PCDH7: variants seen among roughly 807,000 people sequenced by gnomAD.
The protein encoded by PCDH7 is protocadherin 7.
A neutral mutation model predicts 58.9 loss-of-function variants in PCDH7; 17 were observed. The ratio of observed to expected loss-of-function variants is 0.29; its 90% CI spans 0.20 to 0.43. The LOEUF is 0.43. Among genes scored for constraint, PCDH7 ranks in the 20% least tolerant of loss-of-function variants. PCDH7 has a pLI of 1.00. For synonymous variants in PCDH7, 664 were observed against 616.4 expected (o/e 1.08, Z -1.14); for missense variants, 1,274 against 1,441.0 (o/e 0.88, Z 1.88).
intron 1 of PCDH7, among the ~76,000 whole-genome samples, chr4:30,845,304 A>G (rs1024778430): frequency 3.3e-5 from 5 of 152,086 alleles, no homozygotes; most frequent in Non-Finnish European, 5.9e-5. Flanking sequence ...TCTCTCTTAC[A>G]TTTATTTCTA....
At chr4:30,811,406 G>GTT (rs1726992854) in intron 1 of PCDH7, among the ~76,000 whole-genome samples, 1 of 152,168 alleles carries the variant, frequency 6.6e-6, no homozygotes, top group African/African-American at 2.4e-5. Flanking sequence ...TAAAAAAAAG[G>GTT]ATGACAGTTT....
At chr4:31,121,276 G>T (rs1717661925) in intron 3 of PCDH7, among the ~76,000 whole-genome samples, 1 of 152,106 alleles carries the variant, frequency 6.6e-6, no homozygotes, top group Admixed American at 6.6e-5. Flanking sequence ...TTGAGGAGAG[G>T]AGGTAGCATA....
At chr4:30,724,230 G>T in exon 1 of PCDH7, 1 of 1,613,380 alleles carries the variant, frequency 6.2e-7, no homozygotes, top group East Asian at 2.2e-5. Context: ...AGCCTAAAAA[G>T]GACAAGAAAA....
chr4:31,102,455 C>T (rs1343911691), intron 3 of PCDH7, among the ~76,000 whole-genome samples: 2 of 151,982 alleles, frequency 1.3e-5, no homozygotes, highest in Non-Finnish European at 2.9e-5. Flanking sequence ...GGGCACGGTG[C>T]CTCATGCCTG....
chr4:30,892,869 G>A (rs1196928299), intron 1 of PCDH7, among the ~76,000 whole-genome samples: 2 of 152,038 alleles, frequency 1.3e-5, no homozygotes, highest in African/African-American at 2.4e-5. Context: ...ATACTCAACA[G>A]TTGTCAGTTA....
intron 3 of PCDH7, among the ~76,000 whole-genome samples, chr4:31,076,894 T>C (rs1759042267): frequency 6.6e-6 from 1 of 152,208 alleles, no homozygotes; most frequent in South Asian, 2.1e-4. Flanking sequence ...AAGGGGATTT[T>C]GTAATCCTCA....
At chr4:30,852,916 T>G (rs1309012285) in intron 1 of PCDH7, among the ~76,000 whole-genome samples, 1 of 151,264 alleles carries the variant, frequency 6.6e-6, no homozygotes, top group African/African-American at 2.4e-5. Flanking sequence ...TTGTCTGTGC[T>G]CCCAGTGTTT....
At chr4:30,904,062 A>G (rs939065405) in intron 1 of PCDH7, among the ~76,000 whole-genome samples, 4 of 152,148 alleles carry the variant, frequency 2.6e-5, no homozygotes, top group Non-Finnish European at 5.9e-5. Context: ...TTAAATTTCA[A>G]TGATGACTAT....
chr4:30,894,134 T>G (rs1391930768), intron 1 of PCDH7, among the ~76,000 whole-genome samples: 2 of 152,068 alleles, frequency 1.3e-5, no homozygotes. Flanking sequence ...AACCTTGTAT[T>G]CTGAAGGATT....
chr4:31,042,063 A>C (rs1217449309), intron 3 of PCDH7, among the ~76,000 whole-genome samples: 2 of 152,162 alleles, frequency 1.3e-5, no homozygotes, highest in African/African-American at 4.8e-5. Flanking sequence ...TCGACAAAGT[A>C]TGCAGTGAGT....
intron 3 of PCDH7, among the ~76,000 whole-genome samples, chr4:30,993,219 T>C (rs1270411905): frequency 6.6e-6 from 1 of 152,230 alleles, no homozygotes; most frequent in Non-Finnish European, 1.5e-5. Flanking sequence ...GGTATATGCC[T>C]ACCTATGGCT....
At chr4:30,756,354 A>G (rs1056593774) in intron 1 of PCDH7, among the ~76,000 whole-genome samples, 1 of 152,164 alleles carries the variant, frequency 6.6e-6, no homozygotes, top group Admixed American at 6.5e-5. Flanking sequence ...TCAAATTTCA[A>G]CATGAGATTT....
intron 3 of PCDH7, among the ~76,000 whole-genome samples, chr4:30,985,899 G>T (rs966467557): frequency 6.6e-6 from 1 of 151,844 alleles, no homozygotes; most frequent in African/African-American, 2.4e-5. Flanking sequence ...TATCTCTTTT[G>T]GTTTATTTAG....
chr4:31,010,828 TG>T (rs1176932312), intron 3 of PCDH7, among the ~76,000 whole-genome samples: 1 of 151,862 alleles, frequency 6.6e-6, no homozygotes, highest in Non-Finnish European at 1.5e-5. Flanking sequence ...AATAATACAA[TG>T]ATTTTAAGCC....
intron 3 of PCDH7, among the ~76,000 whole-genome samples, chr4:31,073,080 G>A (rs76836524): frequency 0.019 from 2,943 of 152,184 alleles, 95 homozygotes; most frequent in African/African-American, 0.067. Flanking sequence ...AAATATTATA[G>A]TAGATGGAGA....
chr4:30,926,279 C>T (rs940311485), intron 2 of PCDH7, among the ~76,000 whole-genome samples: 13 of 151,752 alleles, frequency 8.6e-5, no homozygotes, highest in Non-Finnish European at 1.5e-5. Flanking sequence ...CCGCCTCCTG[C>T]GTTCAAACCA....
rs10718639 is a variant in PCDH7, at chr4:30,911,320, A to ACC, written c.71-8823_71-8822dup. 1.8e-3 allele frequency among the ~76,000 whole-genome samples: 210 copies of ACC among 116,184 alleles called. 1 individual carries two copies. Among genetic ancestry groups the ACC allele is most frequent in the Non-Finnish European group, 2.9e-3 (157 of 54,778 alleles). The allele number at this position is 116,184 out of a possible 152,430, so 76.2% of individuals were successfully genotyped here. A position where few individuals can be genotyped will look rare whatever the true frequency, so the allele number is the denominator to read the frequency against. ...CTTAAGGTATATTAAAAAAAAAATCACCCCCCCCCCCAAAAAAAAGAACTA... is the reference window on the plus strand; with the variant it reads ...CTTAAGGTATATTAAAAAAAAAATCACCCCCCCCCCCCCAAAAAAAAGAACTA... On this transcript the variant is annotated intron_variant, in intron 1 of 3. Transcript: ENST00000509759.
At chr4:31,092,810 T>C (rs1713431691) in intron 3 of PCDH7, among the ~76,000 whole-genome samples, 1 of 152,064 alleles carries the variant, frequency 6.6e-6, no homozygotes, top group Non-Finnish European at 1.5e-5. Context: ...CTGATAATGT[T>C]TCAAAGCAAT....
intron 3 of PCDH7, among the ~76,000 whole-genome samples, chr4:30,959,797 T>C (rs1320139990): frequency 6.6e-6 from 1 of 152,138 alleles, no homozygotes; most frequent in Non-Finnish European, 1.5e-5. Flanking sequence ...CTTCATCTAT[T>C]TTGGTAGGTA....
Sources: allele counts gnomAD v4.1 joint callset (sites outside exome capture counted in the v4.1 genomes callset), GRCh38; gene constraint gnomAD v4.1.1; transcripts MANE v1.5; gene names NCBI Gene and HGNC (gene_info 2026-07-23, HGNC 2026-07-21).